PHACTR1: variants seen among roughly 807,000 people sequenced by gnomAD.
PHACTR1 encodes RPEL repeat containing 1.
PHACTR1 carries 16 observed loss-of-function variants against 69.2 expected under a neutral mutation model. The ratio of observed to expected loss-of-function variants is 0.23; its 90% CI spans 0.16 to 0.35. The LOEUF is 0.35. Ranked by LOEUF, PHACTR1 falls within the 10% of genes least tolerant of loss-of-function variation. The pLI, the probability that PHACTR1 is intolerant of heterozygous loss-of-function variation, is 1.00. For synonymous variants in PHACTR1, 312 were observed against 284.5 expected (o/e 1.10, Z -0.97); for missense variants, 510 against 734.7 (o/e 0.69, Z 3.54).
chr6:13,030,773 A>G (rs1023079322), intron 4 of PHACTR1, among the ~76,000 whole-genome samples: 7 of 152,250 alleles, frequency 4.6e-5, no homozygotes, highest in Non-Finnish European at 5.9e-5. Flanking sequence ...TGCTGAGACA[A>G]TGATCATTCA....
chr6:13,077,370 GC>G (rs1171782252), intron 5 of PHACTR1, among the ~76,000 whole-genome samples: 2 of 152,148 alleles, frequency 1.3e-5, no homozygotes, highest in African/African-American at 4.8e-5. Context: ...GTACTCCAGG[GC>G]CTGCACACCT....
chr6:13,189,286 G>A (rs966782176), intron 7 of PHACTR1, among the ~76,000 whole-genome samples: 16 of 152,256 alleles, frequency 1.1e-4, no homozygotes, highest in African/African-American at 2.2e-4. Flanking sequence ...GGACTTGGTC[G>A]TAGTTACTTA....
At chr6:12,999,434 C>T (rs956458448) in intron 4 of PHACTR1, among the ~76,000 whole-genome samples, 1 of 152,070 alleles carries the variant, frequency 6.6e-6, no homozygotes, top group Non-Finnish European at 1.5e-5. Flanking sequence ...CCTGTCTCTA[C>T]TAACAAAATA....
chr6:12,909,239 A>T (rs1786089823), intron 4 of PHACTR1, among the ~76,000 whole-genome samples: 1 of 152,182 alleles, frequency 6.6e-6, no homozygotes, highest in Non-Finnish European at 1.5e-5. Context: ...TTACATGTTG[A>T]TGGAAACTAG....
chr6:13,287,060 T>C lies in PHACTR1; in HGVS notation c.1728-3T>C. The C allele has an allele frequency of 6.2e-7, 1 of 1,608,190 alleles. No homozygotes were observed. Among genetic ancestry groups the C allele is most frequent in the East Asian group, 2.2e-5 (1 of 44,842 alleles). On this transcript the variant is annotated splice_polypyrimidine_tract_variant and splice_region_variant and intron_variant, in intron 14 of 14. Coordinates refer to ENST00000332995, the MANE Select transcript of PHACTR1 (RefSeq NM_030948.6). Reference sequence around the variant, plus strand: ...GTCTTGATGTAATTGTTTGTTTCCTTAGGTTTCACCGACCTTAACAGTCGA... The same window carrying C: ...GTCTTGATGTAATTGTTTGTTTCCTCAGGTTTCACCGACCTTAACAGTCGA...
intron 4 of PHACTR1, among the ~76,000 whole-genome samples, chr6:12,864,191 G>C (rs1020161115): frequency 1.1e-4 from 17 of 152,154 alleles, no homozygotes; most frequent in Admixed American, 6.6e-4. Flanking sequence ...CAAATTCAGT[G>C]GTTCTCAAAC....
chr6:12,867,080 T>A (rs764323339), intron 4 of PHACTR1, among the ~76,000 whole-genome samples: 1 of 152,074 alleles, frequency 6.6e-6, no homozygotes. Context: ...CATCAGGCAC[T>A]GGTGAAAGGA....
intron 8 of PHACTR1, among the ~76,000 whole-genome samples, chr6:13,207,581 CAT>C (rs953759181): frequency 3.3e-5 from 5 of 151,414 alleles, no homozygotes; most frequent in African/African-American, 4.9e-5. Flanking sequence ...TGTATACACA[CAT>C]GAGTGTATGT....
At chr6:13,127,410 C>A (rs541526968) in intron 5 of PHACTR1, among the ~76,000 whole-genome samples, 457 of 151,994 alleles carry the variant, frequency 3.0e-3, no homozygotes, top group Middle Eastern at 6.8e-3. Flanking sequence ...CTAACAACAA[C>A]AACAAAAAAA....
intron 4 of PHACTR1, among the ~76,000 whole-genome samples, chr6:12,782,916 CA>C (rs771042003): frequency 2.0e-4 from 30 of 151,656 alleles, no homozygotes; most frequent in Non-Finnish European, 4.0e-4. Context: ...TTTAGAGGGG[CA>C]AAAAAAGGAT....
chr6:12,978,454 A>G (rs918288118), intron 4 of PHACTR1, among the ~76,000 whole-genome samples: 19 of 152,090 alleles, frequency 1.2e-4, no homozygotes, highest in African/African-American at 4.3e-4. Context: ...GCCTACCTCC[A>G]TGCCTGCTGC....
At chr6:12,742,337 T>C (rs1313400515) in intron 3 of PHACTR1, among the ~76,000 whole-genome samples, 1 of 152,154 alleles carries the variant, frequency 6.6e-6, no homozygotes, top group Non-Finnish European at 1.5e-5. Flanking sequence ...TGGTATGGCA[T>C]CTGTAAACTG....
intron 3 of PHACTR1, among the ~76,000 whole-genome samples, chr6:12,737,398 T>TACAC (rs3071780): frequency 0.25 from 37,168 of 149,320 alleles, 5,141 homozygotes; most frequent in East Asian, 0.6. Flanking sequence ...TATTGTTTTA[T>TACAC]ACACACACAC....
In PHACTR1 at chr6:13,227,968, C is replaced by T; in HGVS notation, c.1139C>T (p.Pro380Leu). 1 of 1,613,982 alleles carries T rather than the reference C, an allele frequency of 6.2e-7. No individual in the cohort carries two copies. Residue 380 changes from proline to leucine, a missense_variant, in exon 9 of 15, where the codon CCT becomes CTT. Physicochemically the swap from Pro to Leu is moderately conservative, Grantham distance 98. Around this residue, in one of 2 missense-constraint regions of PHACTR1, gnomAD observed 419 missense variants for 530.9 expected, o/e 0.79. Coordinates refer to ENST00000332995, the MANE Select transcript of PHACTR1 (RefSeq NM_030948.6). The part of the protein sequence containing the change: ...IECDDNKENV[P>L]HESDYEDSSC... The stretch of plus-strand genomic sequence containing the variant: ...TGTGATGACAATAAAGAAAATGTGC[C>T]TCATGAGTCAGACTACGAAGACTCT...
intron 4 of PHACTR1, among the ~76,000 whole-genome samples, chr6:12,987,046 T>C (rs1356357445): frequency 6.6e-6 from 1 of 152,166 alleles, no homozygotes; most frequent in Non-Finnish European, 1.5e-5. Flanking sequence ...AATTGGAATA[T>C]ATATATCCAC....
intron 5 of PHACTR1, among the ~76,000 whole-genome samples, chr6:13,116,951 C>G (rs1583430784): frequency 6.6e-6 from 1 of 152,166 alleles, no homozygotes; most frequent in African/African-American, 2.4e-5. Flanking sequence ...GTTATTTTCA[C>G]TTTTTAAAGT....
chr6:12,830,918 A>G (rs1490175188), intron 4 of PHACTR1, among the ~76,000 whole-genome samples: 1 of 152,070 alleles, frequency 6.6e-6, no homozygotes, highest in African/African-American at 2.4e-5. Context: ...TTTATTTTGA[A>G]AAAAATGTTT....
At chr6:12,766,419 AAAAC>A (rs1211340199) in intron 4 of PHACTR1, among the ~76,000 whole-genome samples, 13 of 152,218 alleles carry the variant, frequency 8.5e-5, no homozygotes, top group Non-Finnish European at 1.9e-4. Context: ...TAAGAAGAGA[AAAAC>A]AAAGTGAAAA....
intron 4 of PHACTR1, among the ~76,000 whole-genome samples, chr6:12,966,254 T>C (rs574821046): frequency 2.0e-5 from 3 of 152,326 alleles, no homozygotes; most frequent in African/African-American, 7.2e-5. Context: ...GAGCACTCAC[T>C]GTGTTCTAAA....
Sources: gnomAD v4.1 joint callset for allele counts (sites outside exome capture counted in the v4.1 genomes callset) on GRCh38, gnomAD v4.1.1 for gene constraint, gnomAD v4.1.1 regional missense constraint, MANE v1.5 for transcripts, NCBI Gene and HGNC (gene_info 2026-07-23, HGNC 2026-07-21) for gene names.